Variants in PHF21B observed in about 807,000 individuals in gnomAD.
PHF21B encodes PHD finger protein 4.
PHF21B carries 22 observed loss-of-function variants against 62.2 expected under a neutral mutation model. The observed-to-expected ratio is 0.35, with a 90% confidence interval of 0.25 to 0.51. PHF21B has a LOEUF of 0.51. Among genes scored for constraint, PHF21B ranks in the 20% least tolerant of loss-of-function variants. PHF21B has a pLI of 0.97. For missense variants in PHF21B, 701 were observed against 707.9 expected (o/e 0.99, Z 0.11); for synonymous variants, 341 against 314.7 (o/e 1.08, Z -0.88).
rs767427585 is a variant in PHF21B at position 44,885,492 on chromosome 22, G to A, written c.1311C>T (p.Gly437=). 1 of 1,599,708 alleles carries A rather than the reference G, an allele frequency of 6.3e-7. No individual in the cohort carries two copies. The change falls in exon 12 of 13, where the codon GGC becomes GGT. Residue 437 remains glycine, a synonymous_variant. Transcript: ENST00000313237. ...EEEKQKLLQR[G]SELQNEHQQL... ...GCTGGTGCTCGTTCTGCAGCTCACT[G>A]CCTCGTTGCAGCAGCTTCTGCTTCT...
intron 2 of PHF21B, among the ~76,000 whole-genome samples, chr22:44,928,263 G>A (rs949435351): frequency 1.3e-5 from 2 of 152,120 alleles, no homozygotes; most frequent in African/African-American, 4.8e-5. Context: ...CCTCACGCCC[G>A]CCGTCCTCGA....
intron 9 of PHF21B, 113 bp downstream of exon 9, chr22:44,889,647 G>C (rs952140780): frequency 2.3e-6 from 3 of 1,302,586 alleles, no homozygotes; most frequent in Middle Eastern, 1.9e-4. Context: ...GAACCGAAAG[G>C]CCTTCTGCAC....
intron 12 of PHF21B, 94 bp from the exon 13 acceptor site, chr22:44,883,398 C>A: frequency 8.4e-7 from 1 of 1,189,042 alleles, no homozygotes. Flanking sequence ...CCCTCCACTA[C>A]AAAGGCCTAC....
chr22:44,915,049 A>G (rs1569224972), intron 4 of PHF21B, among the ~76,000 whole-genome samples: 6 of 152,146 alleles, frequency 3.9e-5, no homozygotes. Flanking sequence ...ACGGGTGGTG[A>G]CTGTCTGATG....
At chr22:45,008,101 A>G (rs1601707991) in intron 2 of PHF21B, 1 of 153,426 alleles carries the variant, frequency 6.5e-6, no homozygotes, top group Non-Finnish European at 1.4e-5. Context: ...GGTGGGGGGG[A>G]GGGAGCCTCG....
intron 10 of PHF21B, 73 bp downstream of exon 10, chr22:44,887,890 T>A: frequency 7.5e-7 from 1 of 1,336,678 alleles, no homozygotes; most frequent in Middle Eastern, 2.8e-4. Context: ...TCACCCCTCC[T>A]CTGCCCTGTC....
intron 2 of PHF21B, among the ~76,000 whole-genome samples, chr22:44,994,409 A>G (rs561615680): frequency 1.3e-5 from 2 of 152,338 alleles, no homozygotes; most frequent in South Asian, 4.1e-4. Flanking sequence ...CTGTGTCTTC[A>G]AGCCAAGGAC....
intron 4 of PHF21B, among the ~76,000 whole-genome samples, chr22:44,915,576 G>A (rs934053948): frequency 2.0e-5 from 3 of 152,192 alleles, no homozygotes; most frequent in Admixed American, 2.0e-4. Context: ...CAGGACTCCC[G>A]GGAATGCACT....
At chr22:45,006,645 AAG>A (rs1361976074) in intron 2 of PHF21B, among the ~76,000 whole-genome samples, 1 of 152,222 alleles carries the variant, frequency 6.6e-6, no homozygotes, top group African/African-American at 2.4e-5. Context: ...CCAAGCTCAG[AAG>A]AGTCATTCCA....
At chr22:44,886,320 G>A (rs1408794093) in intron 10 of PHF21B, among the ~76,000 whole-genome samples, 1 of 140,056 alleles carries the variant, frequency 7.1e-6, no homozygotes, top group Non-Finnish European at 1.5e-5. Flanking sequence ...GTGGGGAACA[G>A]AATTCTGTTC....
At chr22:44,921,501 G>A (rs2071536744) in intron 2 of PHF21B, among the ~76,000 whole-genome samples, 1 of 151,900 alleles carries the variant, frequency 6.6e-6, no homozygotes, top group Non-Finnish European at 1.5e-5. Context: ...CGAGTAGCTG[G>A]AACTACAGGC....
At chr22:44,911,247 T>C (rs1372205025) in intron 5 of PHF21B, among the ~76,000 whole-genome samples, 1 of 152,134 alleles carries the variant, frequency 6.6e-6, no homozygotes, top group Non-Finnish European at 1.5e-5. Context: ...AGCCTGACAA[T>C]GCGATAGAAA....
At chr22:44,905,821 G>C (rs955943779) in intron 5 of PHF21B, among the ~76,000 whole-genome samples, 1 of 152,078 alleles carries the variant, frequency 6.6e-6, no homozygotes, top group Admixed American at 6.6e-5. Flanking sequence ...GTAGAGACAG[G>C]GTTTCACCGT....
At chr22:44,981,717 C>T (rs552463882) in intron 2 of PHF21B, among the ~76,000 whole-genome samples, 3 of 152,294 alleles carry the variant, frequency 2.0e-5, no homozygotes, top group African/African-American at 7.2e-5. Context: ...CTTTTCTGTG[C>T]CCCTTAACAA....
intron 2 of PHF21B, among the ~76,000 whole-genome samples, chr22:44,934,333 C>A (rs1258334088): frequency 1.3e-5 from 2 of 152,246 alleles, no homozygotes; most frequent in African/African-American, 4.8e-5. Context: ...CGACCTAAGA[C>A]AAGACAGGCA....
chr22:44,924,853 G>A (rs780167655), intron 2 of PHF21B, among the ~76,000 whole-genome samples: 1 of 152,210 alleles, frequency 6.6e-6, no homozygotes, highest in African/African-American at 2.4e-5. Context: ...AGACTTGTAC[G>A]TGAATGTTCA....
chr22:44,902,242 G>A, intron 5 of PHF21B: 1 of 219,102 alleles, frequency 4.6e-6, no homozygotes, highest in Non-Finnish European at 9.8e-6. Flanking sequence ...CCAGACACCA[G>A]AAAGGTGAGC....
chr22:44,980,584 G>A (rs548413553), intron 2 of PHF21B, among the ~76,000 whole-genome samples: 76 of 152,290 alleles, frequency 5.0e-4, no homozygotes, highest in Admixed American at 1.2e-3. Context: ...GGGATGAGTG[G>A]TACGAAGGAA....
At chr22:44,993,556 G>C (rs948271151) in intron 2 of PHF21B, among the ~76,000 whole-genome samples, 5 of 152,220 alleles carry the variant, frequency 3.3e-5, no homozygotes, top group African/African-American at 1.2e-4. Flanking sequence ...TCCCACACAC[G>C]GCAACGTGCA....
Sources: allele counts gnomAD v4.1 joint callset (sites outside exome capture counted in the v4.1 genomes callset), GRCh38; gene constraint gnomAD v4.1.1; transcripts MANE v1.5; gene names NCBI Gene and HGNC (gene_info 2026-07-23, HGNC 2026-07-21).